The following CSMD3 variants were observed in gnomAD, a reference collection of about 807,000 sequenced individuals.
The protein encoded by CSMD3 is CUB and sushi domain-containing protein 3.
Under a neutral mutation model 435.2 loss-of-function variants are expected in CSMD3, and 177 were observed. That is an observed-to-expected ratio of 0.41 (90% CI 0.36 to 0.46). The LOEUF is 0.46. CSMD3 is among the 20% of genes least tolerant of loss of function. CSMD3 has a pLI of 0.34. For synonymous variants in CSMD3, 1,656 were observed against 1,520.5 expected (o/e 1.09, Z -2.07); for missense variants, 4,265 against 4,504.6 (o/e 0.95, Z 1.52).
At chr8:112,287,001 C>T (rs768101616) in intron 58 of CSMD3, 63 bp downstream of exon 58, 72 of 1,357,134 alleles carry the variant, frequency 5.3e-5, no homozygotes, top group Middle Eastern at 3.6e-4. Flanking sequence ...TAGTACTCAT[C>T]TGGATTTAGA....
intron 13 of CSMD3, among the ~76,000 whole-genome samples, chr8:112,715,550 G>A (rs1329099287): frequency 6.6e-6 from 1 of 152,184 alleles, no homozygotes. Flanking sequence ...TTGAAAAGGA[G>A]AGTCTCCTCC....
At chr8:112,579,556 A>T (rs768583449) in intron 23 of CSMD3, among the ~76,000 whole-genome samples, 9 of 152,072 alleles carry the variant, frequency 5.9e-5, no homozygotes, top group Non-Finnish European at 1.2e-4. Context: ...TGTTTTTAAT[A>T]TAATTTAAGT....
chr8:112,577,745 T>C (rs1187025029), intron 23 of CSMD3, among the ~76,000 whole-genome samples: 2 of 152,082 alleles, frequency 1.3e-5, no homozygotes, highest in Non-Finnish European at 2.9e-5. Context: ...TTAGTTATGG[T>C]GTACAGACTC....
chr8:112,636,141 A>G (rs1005451751), intron 22 of CSMD3, among the ~76,000 whole-genome samples: 1 of 152,100 alleles, frequency 6.6e-6, no homozygotes, highest in Non-Finnish European at 1.5e-5. Flanking sequence ...CCTTTTTTCT[A>G]CCGAACATTT....
chr8:113,354,494 C>G (rs545044116), intron 1 of CSMD3, among the ~76,000 whole-genome samples: 23 of 152,102 alleles, frequency 1.5e-4, no homozygotes, highest in Non-Finnish European at 2.6e-4. Flanking sequence ...TTATAAAGAA[C>G]TTATATAAAT....
intron 27 of CSMD3, among the ~76,000 whole-genome samples, chr8:112,534,755 G>A (rs1276085262): frequency 6.6e-6 from 1 of 152,036 alleles, no homozygotes; most frequent in Admixed American, 6.6e-5. Context: ...CAATATCCTT[G>A]ATGAACATTG....
Position 113,319,441 on chromosome 8 carries a change from T to C in CSMD3, c.179-4648A>G, listed in dbSNP as rs554749937. 7.2e-5 allele frequency among the ~76,000 whole-genome samples: 11 copies of C among 152,202 alleles called. No individual in the cohort carries two copies. In the South Asian group the frequency reaches 2.1e-3, roughly 29 times the overall value. Reference sequence around the variant, plus strand: ...CTGCTATTGAGTTATAAGAATTCTTTATAATTCTGGATATATTAACCCCTT... The same window carrying C: ...CTGCTATTGAGTTATAAGAATTCTTCATAATTCTGGATATATTAACCCCTT... On this transcript the variant is annotated intron_variant, in intron 1 of 70. Coordinates refer to ENST00000297405, the MANE Select transcript of CSMD3 (RefSeq NM_198123.2).
At chr8:112,644,482 A>C (rs1645602861) in intron 20 of CSMD3, among the ~76,000 whole-genome samples, 1 of 152,040 alleles carries the variant, frequency 6.6e-6, no homozygotes, top group Non-Finnish European at 1.5e-5. Flanking sequence ...GAGTGGTTGA[A>C]TCTCATGAAT....
intron 13 of CSMD3, among the ~76,000 whole-genome samples, chr8:112,753,053 G>C (rs1324061904): frequency 6.6e-6 from 1 of 151,920 alleles, no homozygotes. Flanking sequence ...AGCCCCCTTA[G>C]TAGCTGGGAC....
At chr8:112,928,361 G>C (rs909506549) in intron 9 of CSMD3, among the ~76,000 whole-genome samples, 5 of 152,146 alleles carry the variant, frequency 3.3e-5, no homozygotes, top group African/African-American at 1.2e-4. Flanking sequence ...AAAGCATACT[G>C]ATTATTATCA....
intron 2 of CSMD3, among the ~76,000 whole-genome samples, chr8:113,291,269 C>A (rs1323344034): frequency 6.6e-6 from 1 of 151,700 alleles, no homozygotes; most frequent in African/African-American, 2.4e-5. Flanking sequence ...ATACATGTGA[C>A]TTTCCCCATT....
At chr8:113,100,406 T>A (rs538172168) in intron 4 of CSMD3, among the ~76,000 whole-genome samples, 1 of 152,202 alleles carries the variant, frequency 6.6e-6, no homozygotes, top group South Asian at 2.1e-4. Context: ...CAACCATAAA[T>A]CACTTCTATT....
intron 58 of CSMD3, among the ~76,000 whole-genome samples, chr8:112,284,052 T>A (rs1818929768): frequency 6.6e-6 from 1 of 151,772 alleles, no homozygotes; most frequent in Admixed American, 6.6e-5. Flanking sequence ...CCTAAAACAT[T>A]AAAAATTTAA....
At chr8:113,058,290 T>C (rs1411556601) in intron 5 of CSMD3, among the ~76,000 whole-genome samples, 2 of 151,970 alleles carry the variant, frequency 1.3e-5, no homozygotes, top group African/African-American at 4.8e-5. Context: ...AAACATTAAG[T>C]ATTGTGGGTT....
chr8:112,794,497 G>C (rs2078776081), intron 13 of CSMD3, among the ~76,000 whole-genome samples: 4 of 151,816 alleles, frequency 2.6e-5, no homozygotes. Context: ...GTTTCACCAT[G>C]TTGGCCAGGC....
intron 2 of CSMD3, among the ~76,000 whole-genome samples, chr8:113,280,838 G>A (rs1390985991): frequency 1.3e-5 from 2 of 151,788 alleles, no homozygotes; most frequent in African/African-American, 2.4e-5. Flanking sequence ...TATCACAGAG[G>A]TTTTGATACA....
intron 12 of CSMD3, among the ~76,000 whole-genome samples, chr8:112,804,761 T>C (rs1293394644): frequency 6.6e-6 from 1 of 151,216 alleles, no homozygotes; most frequent in Non-Finnish European, 1.5e-5. Context: ...AACTCCCGGG[T>C]TCAAGCAATT....
At chr8:113,140,528 T>C (rs535497092) in intron 4 of CSMD3, among the ~76,000 whole-genome samples, 26 of 151,020 alleles carry the variant, frequency 1.7e-4, no homozygotes, top group African/African-American at 6.3e-4. Flanking sequence ...AAAACACAAC[T>C]AACTTAAAAT....
intron 5 of CSMD3, among the ~76,000 whole-genome samples, chr8:113,097,113 T>C (rs16884322): frequency 0.017 from 2,571 of 152,184 alleles, 162 homozygotes; most frequent in East Asian, 0.12. Flanking sequence ...AATTCTGATA[T>C]TATGGCATTG....
Sources: gnomAD v4.1 joint callset for allele counts (sites outside exome capture counted in the v4.1 genomes callset) on GRCh38, gnomAD v4.1.1 for gene constraint, MANE v1.5 for transcripts, NCBI Gene and HGNC (gene_info 2026-07-23, HGNC 2026-07-21) for gene names.